NIPBL: variants seen among roughly 807,000 people sequenced by gnomAD.
NIPBL encodes nipped-B-like protein.
A neutral mutation model predicts 321.8 loss-of-function variants in NIPBL; 19 were observed. That is an observed-to-expected ratio of 0.06 (90% CI 0.04 to 0.09). The LOEUF (loss-of-function observed/expected upper bound fraction) is 0.09. NIPBL is among the 10% of genes least tolerant of loss of function. NIPBL has a pLI of 1.00. For synonymous variants in NIPBL, 1,106 were observed against 1,114.1 expected, an observed-to-expected ratio of 0.99 and a Z score of 0.14; for missense variants, 2,210 against 3,327.0, an observed-to-expected ratio of 0.66 and a Z score of 8.26.
At chr5:37,052,323 C>CTTT in intron 41 of NIPBL, 43 bp from the exon 42 acceptor site, 1 of 1,503,106 alleles carries the variant, frequency 6.7e-7, no homozygotes, top group Non-Finnish European at 9.3e-7. Context: ...TAATTTGTGT[C>CTTT]TTTTAATTTC....
At chr5:37,045,164 C>G (rs1752843411) in intron 36 of NIPBL, among the ~76,000 whole-genome samples, 2 of 152,068 alleles carry the variant, frequency 1.3e-5, no homozygotes, top group South Asian at 4.1e-4. Context: ...TCAGCCTGGC[C>G]AACATGGTGA....
intron 34 of NIPBL, among the ~76,000 whole-genome samples, chr5:37,039,036 T>C (rs1358858154): frequency 1.3e-5 from 2 of 152,154 alleles, no homozygotes; most frequent in Non-Finnish European, 2.9e-5. Flanking sequence ...AGAAATTTAC[T>C]ATCTTTTGGG....
intron 1 of NIPBL, among the ~76,000 whole-genome samples, chr5:36,895,579 G>A (rs1746671103): frequency 6.6e-6 from 1 of 152,134 alleles, no homozygotes; most frequent in Admixed American, 6.5e-5. Context: ...ATTTGTAGTA[G>A]CAATGTATGA....
intron 9 of NIPBL, chr5:36,982,145 T>G: frequency 1.4e-6 from 1 of 726,314 alleles, no homozygotes; most frequent in South Asian, 6.2e-5. Flanking sequence ...TGATAATCCT[T>G]TTGTATGCAT....
In NIPBL at chr5:37,000,978, C is replaced by G; in HGVS notation, c.3575-11C>G. 6.2e-7 allele frequency: 1 copy of G among 1,604,016 alleles called. No homozygotes were observed. Among genetic ancestry groups the G allele is most frequent in the South Asian group, 1.1e-5 (1 of 90,866 alleles). ...ATGTGAGAATAATGAATATATTTTT[C>G]TCTCTTGCAGAAATGATGGACTCTT... On this transcript the variant is annotated splice_polypyrimidine_tract_variant and intron_variant, in intron 13 of 46. Transcript: ENST00000282516.
chr5:37,014,324 A>G (rs938364000), intron 21 of NIPBL, among the ~76,000 whole-genome samples: 3 of 151,954 alleles, frequency 2.0e-5, no homozygotes, highest in African/African-American at 7.3e-5. Context: ...TGTATGGATT[A>G]TATGTTTCTT....
chr5:36,984,139 A>AT (rs1376785878), intron 9 of NIPBL, among the ~76,000 whole-genome samples: 3 of 151,816 alleles, frequency 2.0e-5, no homozygotes, highest in African/African-American at 7.3e-5. Flanking sequence ...TTTTAAATTC[A>AT]TTTTTTCCCA....
chr5:37,028,096 T>G (rs1750517327), intron 32 of NIPBL, among the ~76,000 whole-genome samples: 1 of 152,230 alleles, frequency 6.6e-6, no homozygotes, highest in Non-Finnish European at 1.5e-5. Flanking sequence ...ATGCATAGAA[T>G]TTCCTTTAGT....
chr5:37,024,863 T>C, intron 30 of NIPBL, 144 bp downstream of exon 30: 2 of 645,756 alleles, frequency 3.1e-6, no homozygotes, highest in Non-Finnish European at 5.1e-6. Context: ...AAATACATAC[T>C]TTAATTTTTT....
intron 32 of NIPBL, among the ~76,000 whole-genome samples, chr5:37,032,996 ACTT>A (rs1215571897): frequency 6.6e-6 from 1 of 152,192 alleles, no homozygotes; most frequent in Non-Finnish European, 1.5e-5. Context: ...CACCTTGATT[ACTT>A]CTTATTTATA....
chr5:37,028,333 C>CTTTT (rs10676635), intron 32 of NIPBL, among the ~76,000 whole-genome samples: 1,596 of 102,500 alleles, frequency 0.016, 122 homozygotes, highest in African/African-American at 0.053. Flanking sequence ...TTCCATAATA[C>CTTTT]TTTTTTTTTT....
rs752729497 is a variant in NIPBL at position 37,049,310 on chromosome 5, G to C, written c.6954+9G>C. On this transcript the variant is annotated intron_variant, in intron 40 of 46. Coordinates refer to ENST00000282516, the MANE Select transcript of NIPBL (RefSeq NM_133433.4). ...TTATTCATCCAGTTCAGGTAAGCAT[G>C]TTTTATGGCAGCAGCACTTACTAAA... is the stretch of plus-strand genomic sequence containing the variant. The C allele has an allele frequency of 3.1e-6, 5 of 1,613,726 alleles. No individual in the cohort carries two copies. Among genetic ancestry groups the C allele is most frequent in the Non-Finnish European group, 4.2e-6 (5 of 1,179,734 alleles).
chr5:36,898,692 G>T (rs1384739503), intron 1 of NIPBL, among the ~76,000 whole-genome samples: 1 of 151,952 alleles, frequency 6.6e-6, no homozygotes, highest in Non-Finnish European at 1.5e-5. Context: ...TGTATTTTTA[G>T]CAGAGATGGG....
At chr5:36,976,524 A>G in intron 9 of NIPBL, 122 bp downstream of exon 9, 5 of 913,060 alleles carry the variant, frequency 5.5e-6, no homozygotes, top group East Asian at 2.6e-5. Flanking sequence ...ACTCAAGTAC[A>G]TATTTTTATT....
Position 36,887,561 on chromosome 5 carries a change from T to G in NIPBL, c.-80+10383T>G, listed in dbSNP as rs576592844. ...ACAGCTTCATCTCTGGGATATTCTC[T>G]TGTTGTTTGCTTATGTCTTTGACCT... On this transcript the variant is annotated intron_variant, in intron 1 of 46. Transcript: ENST00000282516. 3.3e-4 allele frequency among the ~76,000 whole-genome samples: 50 copies of G among 152,292 alleles called. 1 individual carries two copies. The highest frequency in any genetic ancestry group is 6.8e-3 in the Middle Eastern group (2 of 294).
At chr5:36,896,723 C>T (rs773688832) in intron 1 of NIPBL, among the ~76,000 whole-genome samples, 4 of 152,032 alleles carry the variant, frequency 2.6e-5, no homozygotes, top group Admixed American at 2.6e-4. Context: ...CCTTAGCCTC[C>T]GAGTAGCTGG....
At chr5:36,913,018 T>C (rs1438648227) in intron 1 of NIPBL, among the ~76,000 whole-genome samples, 2 of 152,146 alleles carry the variant, frequency 1.3e-5, no homozygotes, top group Admixed American at 6.5e-5. Flanking sequence ...TCTTGAAATA[T>C]TAAAAATATA....
At chr5:36,886,376 G>T (rs1745907678) in intron 1 of NIPBL, 1 of 724,944 alleles carries the variant, frequency 1.4e-6, no homozygotes. Context: ...AAGAACTTCA[G>T]TCTTGATGAT....
intron 1 of NIPBL, among the ~76,000 whole-genome samples, chr5:36,891,744 A>G (rs1340601725): frequency 2.0e-5 from 3 of 152,216 alleles, no homozygotes; most frequent in Non-Finnish European, 4.4e-5. Context: ...TTTTATGCAT[A>G]TGTAAAAAAA....
Sources: gnomAD v4.1 joint callset for allele counts (sites outside exome capture counted in the v4.1 genomes callset) on GRCh38, gnomAD v4.1.1 for gene constraint, MANE v1.5 for transcripts, NCBI Gene and HGNC (gene_info 2026-07-23, HGNC 2026-07-21) for gene names.